The following NLRP8 variants were observed in gnomAD, a reference collection of about 807,000 sequenced individuals.
NLRP8 encodes the protein NACHT, LRR and PYD domains-containing protein 8.
In NLRP8, 86 loss-of-function variants were observed where a neutral mutation model predicts 88.7. The observed-to-expected ratio is 0.97, with a 90% CI of 0.81 to 1.16. The LOEUF (loss-of-function observed/expected upper bound fraction) is 1.16. NLRP8 is among the 50% of genes most tolerant of loss of function. The pLI is 0.00. For synonymous variants in NLRP8, 504 were observed against 494.6 expected (o/e 1.02, Z -0.25); for missense variants, 1,342 against 1,286.5 (o/e 1.04, Z -0.66).
intron 8 of NLRP8, 128 bp from the exon 9 acceptor site, chr19:55,979,266 C>T (rs902100762): frequency 2.0e-6 from 2 of 1,012,580 alleles, no homozygotes; most frequent in East Asian, 2.4e-5. Context: ...GGTGAATAGA[C>T]CATAGTTGGA....
chr19:55,952,970 G>A (rs149757405), intron 2 of NLRP8, among the ~76,000 whole-genome samples: 5 of 152,132 alleles, frequency 3.3e-5, no homozygotes, highest in African/African-American at 7.2e-5. Flanking sequence ...TTGGCTCAGC[G>A]GTCCCCAACC....
chr19:55,976,050 C>A, intron 7 of NLRP8, 83 bp from the exon 8 acceptor site: 36 of 1,302,682 alleles, frequency 2.8e-5, no homozygotes, highest in South Asian at 1.2e-4. Context: ...GAAGTAAAAC[C>A]TAAGGGTGTT....
Position 55,948,088 on chromosome 19 carries a change from T to G in NLRP8, c.186T>G (p.Thr62=). The change falls in exon 1 of 10, where the codon ACT becomes ACG. Residue 62 remains threonine, a synonymous_variant. Coordinates refer to ENST00000291971, the MANE Select transcript of NLRP8 (RefSeq NM_176811.2). The stretch of plus-strand genomic sequence containing the variant: ...AACGGTTCAAGCAGCTCTTACTGAC[T>G]GAGCTCAGTACTGGCACCATGCCCA... The G allele has an allele frequency of 6.2e-7, 1 of 1,614,158 alleles. No individual in the cohort carries two copies. Among genetic ancestry groups the G allele is most frequent in the Non-Finnish European group, 8.5e-7 (1 of 1,180,014 alleles).
chr19:55,962,873 C>T (rs1173992021), intron 4 of NLRP8, among the ~76,000 whole-genome samples: 1 of 152,100 alleles, frequency 6.6e-6, no homozygotes, highest in Admixed American at 6.6e-5. Flanking sequence ...CAGGACCGTA[C>T]CTGAAGTGGA....
chr19:55,957,268 A>G (rs1979395998), intron 3 of NLRP8, among the ~76,000 whole-genome samples: 1 of 152,210 alleles, frequency 6.6e-6, no homozygotes, highest in African/African-American at 2.4e-5. Flanking sequence ...ATGAACGTTT[A>G]CATTTTATTT....
chr19:55,950,808 A>G (rs55775824), intron 1 of NLRP8, among the ~76,000 whole-genome samples: 32,760 of 152,116 alleles, frequency 0.22, 3,608 homozygotes, highest in African/African-American at 0.24. Flanking sequence ...GGCCAGGCGC[A>G]GTGGCTCACG....
At chr19:55,971,498 C>T (rs55840704) in intron 6 of NLRP8, among the ~76,000 whole-genome samples, 52,498 of 148,372 alleles carry the variant, frequency 0.35, 10,378 homozygotes, top group East Asian at 0.67. Context: ...TGTGTTTTTT[C>T]CCTGATCTAT....
At chr19:55,966,186 T>A in intron 4 of NLRP8, 27 bp from the exon 5 acceptor site, 1 of 1,609,322 alleles carries the variant, frequency 6.2e-7, no homozygotes, top group Non-Finnish European at 8.5e-7. Context: ...GGGACCCTAT[T>A]CCAAGGAGAC....
intron 7 of NLRP8, among the ~76,000 whole-genome samples, chr19:55,975,228 T>C (rs546997541): frequency 2.0e-5 from 3 of 152,226 alleles, no homozygotes; most frequent in Non-Finnish European, 4.4e-5. Flanking sequence ...ATCCCCTAAT[T>C]CAATGCCCCA....
At chr19:55,958,745 C>T (rs992172386) in intron 3 of NLRP8, among the ~76,000 whole-genome samples, 1 of 152,158 alleles carries the variant, frequency 6.6e-6, no homozygotes, top group Non-Finnish European at 1.5e-5. Context: ...AGATGGGGGT[C>T]TCACTTTGTT....
intron 6 of NLRP8, among the ~76,000 whole-genome samples, chr19:55,972,770 A>G (rs1049536281): frequency 1.3e-5 from 2 of 149,232 alleles, no homozygotes; most frequent in African/African-American, 5.0e-5. Context: ...GTTCCTTTTT[A>G]TGGCTGAGTA....
chr19:55,986,408 T>A (rs1250450342), intron 9 of NLRP8, among the ~76,000 whole-genome samples: 1 of 149,986 alleles, frequency 6.7e-6, no homozygotes, highest in Non-Finnish European at 1.5e-5. Context: ...ACACTGTCTC[T>A]GTCTCACACA....
At position 55,948,003 on chromosome 19, in the gene NLRP8, G is replaced by T; in HGVS notation, c.101G>T (p.Gly34Val). 6.2e-7 allele frequency: 1 copy of T among 1,613,810 alleles called. No individual in the cohort carries two copies. The highest frequency in any genetic ancestry group is 8.5e-7 in the Non-Finnish European group (1 of 1,179,978). Residue 34 changes from glycine to valine, a missense_variant, in exon 1 of 10, where the codon GGC (glycine) becomes GTC (valine). By Grantham distance (109) the Gly-to-Val change is moderately radical (BLOSUM62 -3). Transcript: ENST00000291971. ...CCCTGGACATTCTCTTGCTACCCCG[G>T]CTCCCCATGTGAAAATGGGGTCATG...
At chr19:55,978,799 A>G (rs1228474745) in intron 8 of NLRP8, among the ~76,000 whole-genome samples, 2 of 152,098 alleles carry the variant, frequency 1.3e-5, no homozygotes, top group East Asian at 1.9e-4. Context: ...GCATGTGCCT[A>G]CAGTCCCAGC....
In NLRP8 at chr19:55,955,464, T is replaced by C. The variant is rs762869377; in HGVS notation, c.1406T>C (p.Leu469Ser). 8.1e-6 allele frequency: 13 copies of C among 1,614,182 alleles called. No individual in the cohort carries two copies. The highest frequency in any genetic ancestry group is 1.1e-5 in the Non-Finnish European group (13 of 1,180,024). ...AGCATGTGGCACAGGAAATGGGTGT[T>C]AGGTAAAGAAGATCTTGAGGAAGCC... Residue 469 changes from leucine to serine, a missense_variant, in exon 3 of 10, where the codon TTA becomes TCA. Coordinates refer to ENST00000291971, the MANE Select transcript of NLRP8 (RefSeq NM_176811.2).
At chr19:55,976,037 A>G in intron 7 of NLRP8, 96 bp from the exon 8 acceptor site, 2 of 1,239,260 alleles carry the variant, frequency 1.6e-6, no homozygotes, top group Admixed American at 5.6e-5. Flanking sequence ...ACCCAAAAAC[A>G]AAGAAGTAAA....
rs543844769 is a variant in NLRP8, at chr19:55,962,061, A to G, written c.2043-6A>G. On this transcript the variant is annotated splice_polypyrimidine_tract_variant and splice_region_variant and intron_variant, in intron 3 of 9. Transcript: ENST00000291971. ...AGGTGTTTTCTCTCTTCTCCCTTCCATGTAGAGCGCCAGAGAGCAATGGGC... is the reference window on the plus strand; with the variant it reads ...AGGTGTTTTCTCTCTTCTCCCTTCCGTGTAGAGCGCCAGAGAGCAATGGGC... 1.1e-5 allele frequency: 18 copies of G among 1,612,874 alleles called. No homozygotes were observed. Among genetic ancestry groups the G allele is most frequent in the Admixed American group, 1.0e-4 (6 of 59,592 alleles).
intron 6 of NLRP8, among the ~76,000 whole-genome samples, chr19:55,971,435 G>A (rs1207115277): frequency 2.3e-5 from 2 of 86,902 alleles, no homozygotes; most frequent in African/African-American, 5.3e-5. Context: ...AGTGAGACTC[G>A]TCTCAAAAAA....
chr19:55,979,085 C>G (rs1475665690), intron 8 of NLRP8, among the ~76,000 whole-genome samples: 1 of 152,182 alleles, frequency 6.6e-6, no homozygotes, highest in Non-Finnish European at 1.5e-5. Flanking sequence ...GTTGCTCACT[C>G]TTGTGTCAAA....
Sources: gnomAD v4.1 joint callset for allele counts (sites outside exome capture counted in the v4.1 genomes callset) on GRCh38, gnomAD v4.1.1 for gene constraint, MANE v1.5 for transcripts, NCBI Gene and HGNC (gene_info 2026-07-23, HGNC 2026-07-21) for gene names.